ZNF322: variants seen among roughly 807,000 people sequenced by gnomAD.
ZNF322 encodes HLA complex group 12.
In ZNF322, 1 loss-of-function variant was observed where a neutral mutation model predicts 18.3. That is an observed-to-expected ratio of 0.05 (90% confidence interval 0.02 to 0.26). The LOEUF (loss-of-function observed/expected upper bound fraction) is 0.26, where lower values mean the gene tolerates loss of function less well. Ranked by LOEUF, ZNF322 falls within the 10% of genes least tolerant of loss-of-function variation. ZNF322 has a pLI of 1.00. For synonymous variants in ZNF322, 17 were observed against 130.7 expected (o/e 0.13, Z 5.93); for missense variants, 36 against 403.6 (o/e 0.09, Z 7.80).
chr6:26,657,600 C>T (rs1043376008), intron 2 of ZNF322, among the ~76,000 whole-genome samples: 3 of 152,078 alleles, frequency 2.0e-5, no homozygotes, highest in Non-Finnish European at 4.4e-5. Flanking sequence ...TATATTTATT[C>T]GTTTGTCTTT....
intron 2 of ZNF322, among the ~76,000 whole-genome samples, chr6:26,652,595 A>G (rs1765691070): frequency 6.6e-6 from 1 of 152,048 alleles, no homozygotes; most frequent in Non-Finnish European, 1.5e-5. Context: ...GAGGCTGAAG[A>G]AGGAGAATCA....
intron 2 of ZNF322, among the ~76,000 whole-genome samples, chr6:26,655,009 T>C (rs1231179526): frequency 6.6e-6 from 1 of 152,130 alleles, no homozygotes; most frequent in Non-Finnish European, 1.5e-5. Context: ...TGCGGTATCT[T>C]GCCAAAAATG....
In ZNF322 at chr6:26,636,449, G is replaced by A. The variant is rs1765354072; in HGVS notation, c.*896C>T. 1 of 146,466 alleles carries A rather than the reference G, an allele frequency of 6.8e-6. No individual in the cohort carries two copies. The highest frequency in any genetic ancestry group is 2.2e-4 in the South Asian group (1 of 4,486). 9.1% of individuals were successfully genotyped at this position (146,466 alleles called of 1,614,324 possible). A position where few individuals can be genotyped will look rare whatever the true frequency, so the allele number is the denominator to read the frequency against. ...AGCTTCTCCCAGAACAAGCTTCTGGGTATCTAAAAAACTATTTTCATACTG... is the reference window on the plus strand; with the variant it reads ...AGCTTCTCCCAGAACAAGCTTCTGGATATCTAAAAAACTATTTTCATACTG... On this transcript the variant is annotated 3_prime_UTR_variant, in exon 4 of 4. Coordinates refer to ENST00000415922, the MANE Select transcript of ZNF322 (RefSeq NM_024639.5).
At chr6:26,655,580 G>A (rs1397286588) in intron 2 of ZNF322, among the ~76,000 whole-genome samples, 1 of 152,082 alleles carries the variant, frequency 6.6e-6, no homozygotes, top group South Asian at 2.1e-4. Context: ...AATGGCTCAG[G>A]GAAAAATCTA....
intron 2 of ZNF322, among the ~76,000 whole-genome samples, chr6:26,647,350 AAG>A (rs2113666402): frequency 6.6e-6 from 1 of 152,276 alleles, no homozygotes; most frequent in Non-Finnish European, 1.5e-5. Flanking sequence ...AGAGAACAAA[AAG>A]ACAGTAAATC....
chr6:26,649,375 C>T (rs1413613483), intron 2 of ZNF322, among the ~76,000 whole-genome samples: 2 of 151,902 alleles, frequency 1.3e-5, no homozygotes, highest in Admixed American at 1.3e-4. Context: ...CAAAAATGGA[C>T]TTTTTAATAA....
intron 2 of ZNF322, among the ~76,000 whole-genome samples, chr6:26,648,779 A>G (rs1765599276): frequency 6.6e-6 from 1 of 152,268 alleles, no homozygotes; most frequent in South Asian, 2.1e-4. Flanking sequence ...CCTGAGACCC[A>G]AAAATAGACT....
rs1438619871 is a variant in ZNF322, at chr6:26,634,728, AT to A, written c.*2616del. Reference sequence around the variant, plus strand: ...CTGTTTGGGGGATGGTCCATCATTAATTTACTTAAAAACTAGAGACAACTAC... The same window carrying A: ...CTGTTTGGGGGATGGTCCATCATTAATTACTTAAAAACTAGAGACAACTAC... On this transcript the variant is annotated 3_prime_UTR_variant, in exon 4 of 4. Transcript: ENST00000415922. The A allele has an allele frequency of 1.9e-5, 1 of 52,618 alleles. No individual in the cohort carries two copies. The highest frequency in any genetic ancestry group is 3.9e-5 in the Non-Finnish European group (1 of 25,946). 3.3% of individuals were successfully genotyped at this position (52,618 alleles called of 1,614,324 possible).
At chr6:26,652,841 C>G (rs1216177527) in intron 2 of ZNF322, among the ~76,000 whole-genome samples, 3 of 151,996 alleles carry the variant, frequency 2.0e-5, no homozygotes, top group African/African-American at 7.3e-5. Context: ...AGATTAACAG[C>G]GGGGGATGCT....
intron 3 of ZNF322, among the ~76,000 whole-genome samples, chr6:26,639,054 AG>A (rs1554148085): frequency 6.6e-6 from 1 of 152,198 alleles, no homozygotes; most frequent in African/African-American, 2.4e-5. Context: ...GCAAATCAAA[AG>A]GGACAGTGAA....
intron 2 of ZNF322, among the ~76,000 whole-genome samples, chr6:26,655,540 G>C (rs1765753999): frequency 6.6e-6 from 1 of 152,162 alleles, no homozygotes; most frequent in Non-Finnish European, 1.5e-5. Flanking sequence ...TTCTCTGTTT[G>C]AGAAGAGACA....
intron 2 of ZNF322, among the ~76,000 whole-genome samples, chr6:26,643,958 C>A (rs1478309926): frequency 6.6e-6 from 1 of 152,126 alleles, no homozygotes; most frequent in Non-Finnish European, 1.5e-5. Context: ...CTATAGCTTC[C>A]TTTGCAACTA....
chr6:26,652,724 A>C (rs1581496504), intron 2 of ZNF322, among the ~76,000 whole-genome samples: 1 of 152,246 alleles, frequency 6.6e-6, no homozygotes, highest in East Asian at 1.9e-4. Flanking sequence ...TACCCCATAG[A>C]ATGTACAACA....
chr6:26,651,824 C>A (rs575381813), intron 2 of ZNF322, among the ~76,000 whole-genome samples: 63 of 152,138 alleles, frequency 4.1e-4, no homozygotes, highest in African/African-American at 1.5e-3. Context: ...TAGATAAACT[C>A]GGGTATAGCA....
intron 3 of ZNF322, 83 bp downstream of exon 3, chr6:26,643,576 A>G (rs981755337): frequency 1.3e-5 from 2 of 152,712 alleles, no homozygotes; most frequent in Non-Finnish European, 2.9e-5. Flanking sequence ...ACTGAATGTC[A>G]CAAAGAATGG....
At position 26,649,008 on chromosome 6, in the gene ZNF322, C is replaced by G. The variant is rs551371291; in HGVS notation, c.-245-5280G>C. On this transcript the variant is annotated intron_variant, in intron 2 of 3. Transcript: ENST00000415922. The stretch of plus-strand genomic sequence containing the variant: ...TTACTGAAATAGGGTCATACTTATT[C>G]ATTAATGTATTGAAAGGCAGAATTG... Among the ~76,000 whole-genome samples the G allele has an allele frequency of 2.1e-4, 32 of 152,338 alleles. 2 individuals are homozygous for G. In the South Asian group the frequency reaches 6.6e-3, roughly 32 times the overall value.
chr6:26,658,126 C>T (rs182800707), intron 2 of ZNF322, among the ~76,000 whole-genome samples: 1 of 152,062 alleles, frequency 6.6e-6, no homozygotes, highest in Non-Finnish European at 1.5e-5. Context: ...TTAGTCCTCC[C>T]AAGGACCCTA....
intron 2 of ZNF322, among the ~76,000 whole-genome samples, chr6:26,646,019 G>A (rs904514051): frequency 2.0e-5 from 3 of 150,072 alleles, no homozygotes; most frequent in Non-Finnish European, 3.0e-5. Flanking sequence ...CAACAACAGC[G>A]AAACTCCGCC....
chr6:26,645,128 GA>G (rs11430350), intron 2 of ZNF322, among the ~76,000 whole-genome samples: 4,325 of 146,942 alleles, frequency 0.029, 191 homozygotes, highest in African/African-American at 0.095. Flanking sequence ...ACTTAAATAT[GA>G]AAAAAAAAAG....
Sources: allele counts gnomAD v4.1 joint callset (sites outside exome capture counted in the v4.1 genomes callset), GRCh38; gene constraint gnomAD v4.1.1; transcripts MANE v1.5; gene names NCBI Gene and HGNC (gene_info 2026-07-23, HGNC 2026-07-21).